The following FRMPD2 variants were observed in gnomAD, a reference collection of about 807,000 sequenced individuals.
FRMPD2 encodes the protein FERM and PDZ domain-containing protein 2.
FRMPD2 carries 96 observed loss-of-function variants against 140.1 expected under a neutral mutation model. The observed-to-expected ratio is 0.69, with a 90% CI of 0.58 to 0.81. The LOEUF (loss-of-function observed/expected upper bound fraction) is 0.81. Ranked by LOEUF, FRMPD2 falls within the 40% of genes least tolerant of loss-of-function variation. The probability of loss-of-function intolerance (pLI) is 0.00; values close to 1 mark genes in which losing one functional copy is unlikely to be tolerated. For missense variants in FRMPD2, 1,240 were observed against 1,447.4 expected (o/e 0.86, Z 2.32); for synonymous variants, 449 against 547.6 (o/e 0.82, Z 2.52).
intron 12 of FRMPD2, among the ~76,000 whole-genome samples, chr10:48,214,944 T>G (rs377167803): frequency 1.3e-5 from 2 of 152,136 alleles, no homozygotes; most frequent in Non-Finnish European, 2.9e-5. Context: ...TTGAATGTGG[T>G]GAAGTTCACA....
chr10:48,166,478 C>T lies in FRMPD2; in HGVS notation c.3537+2117G>A, dbSNP rs1554791279. On this transcript the variant is annotated intron_variant, in intron 27 of 28. Coordinates refer to ENST00000374201, the MANE Select transcript of FRMPD2 (RefSeq NM_001018071.4). The stretch of plus-strand genomic sequence containing the variant: ...GGCATTTCCTGCTTAACCCTCCGTG[C>T]CAGCCCAGTGGCTTCCCACTGCATG... Among the ~76,000 whole-genome samples the T allele has an allele frequency of 2.0e-5, 2 of 102,542 alleles. 1 individual carries two copies. The highest frequency in any genetic ancestry group is 4.3e-5 in the Non-Finnish European group (2 of 46,870). 67.3% of individuals were successfully genotyped at this position (102,542 alleles called of 152,430 possible).
intron 12 of FRMPD2, among the ~76,000 whole-genome samples, chr10:48,215,251 C>T (rs1047480236): frequency 6.6e-6 from 1 of 152,098 alleles, no homozygotes; most frequent in African/African-American, 2.4e-5. Context: ...AACAGGTGGC[C>T]CCCACCCAGC....
intron 14 of FRMPD2, among the ~76,000 whole-genome samples, chr10:48,202,722 A>G (rs996922382): frequency 3.3e-5 from 5 of 152,250 alleles, no homozygotes; most frequent in African/African-American, 9.6e-5. Flanking sequence ...ACACTTTGTC[A>G]GTACACACTG....
chr10:48,177,802 C>T (rs1488542369), intron 22 of FRMPD2: 4 of 336,550 alleles, frequency 1.2e-5, no homozygotes, highest in Admixed American at 3.7e-5. Flanking sequence ...CCAACTCTGC[C>T]CACACTGCCT....
chr10:48,176,931 A>G (rs1838425066), intron 22 of FRMPD2, among the ~76,000 whole-genome samples: 1 of 152,100 alleles, frequency 6.6e-6, no homozygotes. Context: ...ATCACAGGGG[A>G]AAGCAAAGAA....
intron 3 of FRMPD2, among the ~76,000 whole-genome samples, chr10:48,247,055 C>T (rs935028679): frequency 1.3e-5 from 2 of 152,242 alleles, no homozygotes; most frequent in African/African-American, 2.4e-5. Flanking sequence ...CCAGCTCACA[C>T]TCACTCTCAT....
intron 10 of FRMPD2, among the ~76,000 whole-genome samples, chr10:48,223,511 A>G (rs1839657654): frequency 6.6e-6 from 1 of 152,128 alleles, no homozygotes; most frequent in Admixed American, 6.5e-5. Context: ...AGGAGAAAAT[A>G]CCGTTAGTTA....
chr10:48,244,956 G>A, intron 3 of FRMPD2, 107 bp from the exon 4 acceptor site: 2 of 856,090 alleles, frequency 2.3e-6, no homozygotes, highest in South Asian at 2.9e-5. Context: ...CTGTTGTCTG[G>A]CGAGTCTAGC....
chr10:48,240,619 T>C, intron 5 of FRMPD2, 127 bp from the exon 6 acceptor site: 4 of 1,305,604 alleles, frequency 3.1e-6, no homozygotes, highest in Non-Finnish European at 4.2e-6. Flanking sequence ...GACCTAAAGA[T>C]GTGTTCTCTG....
At chr10:48,175,342 C>T (rs1335382907) in intron 23 of FRMPD2, among the ~76,000 whole-genome samples, 8 of 152,022 alleles carry the variant, frequency 5.3e-5, no homozygotes, top group East Asian at 3.9e-4. Flanking sequence ...GCATGGTTGA[C>T]GCTGGGGACA....
Position 48,240,400 on chromosome 10 carries a change from G to T in FRMPD2, c.660C>A (p.Ser220Arg), listed in dbSNP as rs772567731. The change falls in exon 6 of 29, where the codon AGC becomes AGA. Residue 220 changes from serine to arginine, a missense_variant. Ser to Arg is a moderately radical substitution (Grantham distance 110). Coordinates refer to ENST00000374201, the MANE Select transcript of FRMPD2 (RefSeq NM_001018071.4). ...GACACTCCGGGGCCTGTGCCGCTGG[G>T]CTCTCGCTGCTTGTCCCACGCAGCC... ...RKRLRGTSSE[S>R]PAAQAPECLH... 22 of 1,613,100 alleles carry T rather than the reference G, an allele frequency of 1.4e-5. No homozygotes were observed. Among genetic ancestry groups the T allele is most frequent in the Middle Eastern group, 3.3e-4 (2 of 6,052 alleles).
intron 22 of FRMPD2, chr10:48,177,233 G>A (rs541550669): frequency 3.3e-5 from 5 of 150,930 alleles, no homozygotes; most frequent in South Asian, 2.1e-4. Context: ...TCAGCCTCCC[G>A]AGTAGCTGGG....
intron 13 of FRMPD2, among the ~76,000 whole-genome samples, chr10:48,209,315 T>C (rs1481833543): frequency 1.3e-5 from 2 of 152,176 alleles, no homozygotes; most frequent in African/African-American, 4.8e-5. Flanking sequence ...GTTGAGGAAG[T>C]TAGGAAAACA....
intron 16 of FRMPD2, 52 bp from the exon 17 acceptor site, chr10:48,187,344 G>A: frequency 6.5e-7 from 1 of 1,536,416 alleles, no homozygotes; most frequent in South Asian, 1.1e-5. Flanking sequence ...GGGAAGGACA[G>A]TGAGGTTAGA....
chr10:48,230,456 A>C (rs1302794896), intron 10 of FRMPD2, among the ~76,000 whole-genome samples: 2 of 152,200 alleles, frequency 1.3e-5, no homozygotes, highest in Non-Finnish European at 1.5e-5. Flanking sequence ...AGACTTTTAA[A>C]AGTCAGGCTG....
At chr10:48,264,922 A>G (rs1277382304) in intron 1 of FRMPD2, among the ~76,000 whole-genome samples, 1 of 152,208 alleles carries the variant, frequency 6.6e-6, no homozygotes, top group Non-Finnish European at 1.5e-5. Flanking sequence ...CCTATACAAA[A>G]AGAACAAAGC....
At chr10:48,202,024 C>T (rs1181130047) in intron 14 of FRMPD2, among the ~76,000 whole-genome samples, 4 of 151,998 alleles carry the variant, frequency 2.6e-5, no homozygotes, top group African/African-American at 7.2e-5. Context: ...CTTCAAGGCC[C>T]ACATACAAAG....
chr10:48,209,397 G>C (rs1170503745), intron 13 of FRMPD2, among the ~76,000 whole-genome samples: 2 of 152,202 alleles, frequency 1.3e-5, no homozygotes, highest in Non-Finnish European at 2.9e-5. Flanking sequence ...GACAGACTAT[G>C]GTATTCAGCG....
At chr10:48,262,815 C>T (rs1840616469) in intron 1 of FRMPD2, among the ~76,000 whole-genome samples, 1 of 152,046 alleles carries the variant, frequency 6.6e-6, no homozygotes, top group Non-Finnish European at 1.5e-5. Flanking sequence ...TGCCCTGTTG[C>T]CCAGCCTGGA....
Sources: allele counts gnomAD v4.1 joint callset (sites outside exome capture counted in the v4.1 genomes callset), GRCh38; gene constraint gnomAD v4.1.1; transcripts MANE v1.5; gene names NCBI Gene and HGNC (gene_info 2026-07-23, HGNC 2026-07-21).